Variants in AADAT observed in about 807,000 individuals in gnomAD.
AADAT encodes the protein kynurenine/alpha-aminoadipate aminotransferase, mitochondrial.
In AADAT, 25 loss-of-function variants were observed where a neutral mutation model predicts 56.2. The observed-to-expected ratio is 0.44, with a 90% confidence interval of 0.32 to 0.62. The LOEUF (loss-of-function observed/expected upper bound fraction) is 0.62. Among genes scored for constraint, AADAT ranks in the 20% least tolerant of loss-of-function variants. The pLI is 0.04. For missense variants in AADAT, 387 were observed against 510.5 expected, an observed-to-expected ratio of 0.76 and a Z score of 2.33; for synonymous variants, 173 against 164.7, an observed-to-expected ratio of 1.05 and a Z score of -0.39.
chr4:170,086,445 T>G (rs554121636), intron 3 of AADAT, among the ~76,000 whole-genome samples: 4 of 151,748 alleles, frequency 2.6e-5, no homozygotes, highest in African/African-American at 9.7e-5. Flanking sequence ...TACAGACATA[T>G]AAATAGATCT....
intron 2 of AADAT, 122 bp from the exon 3 acceptor site, chr4:170,087,370 A>G (rs1732615204): frequency 3.4e-6 from 3 of 889,046 alleles, no homozygotes; most frequent in Non-Finnish European, 5.0e-6. Flanking sequence ...AAACCCTCAA[A>G]TGCTTTTTGC....
At chr4:170,080,427 C>T (rs1732241391) in intron 3 of AADAT, among the ~76,000 whole-genome samples, 1 of 152,134 alleles carries the variant, frequency 6.6e-6, no homozygotes, top group African/African-American at 2.4e-5. Context: ...TGGCTGGAGA[C>T]CTGTCCTTGC....
At chr4:170,083,840 A>C (rs932589130) in intron 3 of AADAT, among the ~76,000 whole-genome samples, 1 of 152,168 alleles carries the variant, frequency 6.6e-6, no homozygotes, top group Non-Finnish European at 1.5e-5. Flanking sequence ...TCCTCAAAAA[A>C]CTGAAAATAG....
Position 170,067,392 on chromosome 4 carries a change from A to G in AADAT, c.901-4T>C, listed in dbSNP as rs769193418. 1 of 1,612,066 alleles carries G rather than the reference A, an allele frequency of 6.2e-7. No homozygotes were observed. Among genetic ancestry groups the G allele is most frequent in the Non-Finnish European group, 8.5e-7 (1 of 1,178,882 alleles). ...GTAGAAGCTGTGATATCATGAGCTA[A>G]AAGAGATAAAATCATAAATACCATG... On this transcript the variant is annotated splice_polypyrimidine_tract_variant and splice_region_variant and intron_variant, in intron 8 of 12. Transcript: ENST00000337664.
upstream of AADAT, among the ~76,000 whole-genome samples, chr4:170,092,234 T>C (rs938667802): frequency 2.6e-5 from 4 of 152,276 alleles, no homozygotes; most frequent in Non-Finnish European, 5.9e-5. Context: ...TAAATCTTGC[T>C]GCTGCTGACT....
chr4:170,065,128 C>T (rs537536801), intron 10 of AADAT, among the ~76,000 whole-genome samples: 1 of 152,284 alleles, frequency 6.6e-6, no homozygotes, highest in East Asian at 1.9e-4. Context: ...TCCCACTCCT[C>T]TCTCCTTCAC....
At chr4:170,089,508 G>A in intron 1 of AADAT, 116 bp downstream of exon 1, 1 of 1,108,748 alleles carries the variant, frequency 9.0e-7, no homozygotes, top group Non-Finnish European at 1.3e-6. Flanking sequence ...CTCACCGCGA[G>A]CGTGCACAGG....
At chr4:170,089,506 G>C in intron 1 of AADAT, 118 bp downstream of exon 1, 1 of 1,094,228 alleles carries the variant, frequency 9.1e-7, no homozygotes, top group South Asian at 1.4e-5. Flanking sequence ...GGCTCACCGC[G>C]AGCGTGCACA....
chr4:170,086,943 C>T (rs762703557), intron 3 of AADAT, among the ~76,000 whole-genome samples, 173 bp downstream of exon 3: 2 of 152,066 alleles, frequency 1.3e-5, no homozygotes, highest in East Asian at 1.9e-4. Flanking sequence ...CACAACTGCT[C>T]CCACCCCCAT....
chr4:170,070,864 T>C (rs1183112350), intron 5 of AADAT, among the ~76,000 whole-genome samples: 1 of 152,180 alleles, frequency 6.6e-6, no homozygotes, highest in Non-Finnish European at 1.5e-5. Context: ...AGACAGAATA[T>C]ACATAAGCCT....
chr4:170,060,832 C>T lies in AADAT; in HGVS notation c.*96G>A. On this transcript the variant is annotated 3_prime_UTR_variant, in exon 13 of 13. Coordinates refer to ENST00000337664, the MANE Select transcript of AADAT (RefSeq NM_016228.4). ...TGGTGTGATCGTAGCTTACTGCAGC[C>T]TTGAATTCCTGGGTTCAAGTGATCC... 1.9e-6 allele frequency: 2 copies of T among 1,069,750 alleles called. No homozygotes were observed. The highest frequency in any genetic ancestry group is 1.6e-5 in the South Asian group (1 of 62,304). The allele number at this position is 1,069,750 out of a possible 1,614,324, so 66.3% of individuals were successfully genotyped here. A position where few individuals can be genotyped will look rare whatever the true frequency, so the allele number is the denominator to read the frequency against.
At chr4:170,088,620 T>C (rs1230065282) in intron 1 of AADAT, 56 bp from the exon 2 acceptor site, 3 of 1,521,976 alleles carry the variant, frequency 2.0e-6, no homozygotes, top group Admixed American at 1.7e-5. Flanking sequence ...TATAAGCGGA[T>C]AGTTAAGCAT....
rs779364866 is a variant in AADAT at position 170,064,731 on chromosome 4, G to C, written c.1122C>G (p.Ala374=). The change falls in exon 11 of 13, where the codon GCC becomes GCG. Residue 374 remains alanine, a synonymous_variant. Coordinates refer to ENST00000337664, the MANE Select transcript of AADAT (RefSeq NM_016228.4). ...NDVKELIEEK[A]VKMGVLMLPG... ...CTCCCAGTTTTACCCCCATCTTAAC[G>C]GCCTTTTCTTCAATCAGTTCTTTTA... 21 of 1,604,496 alleles carry C rather than the reference G, an allele frequency of 1.3e-5. No homozygotes were observed. The highest frequency in any genetic ancestry group is 1.7e-5 in the Non-Finnish European group (20 of 1,177,716).
rs1731155157 is a variant in AADAT, at chr4:170,060,828, C to T, written c.*100G>A. ...GCAGTGGTGTGATCGTAGCTTACTG[C>T]AGCCTTGAATTCCTGGGTTCAAGTG... On this transcript the variant is annotated 3_prime_UTR_variant, in exon 13 of 13. Coordinates refer to ENST00000337664, the MANE Select transcript of AADAT (RefSeq NM_016228.4). 1 of 990,886 alleles carries T rather than the reference C, an allele frequency of 1.0e-6. No individual in the cohort carries two copies. Among genetic ancestry groups the T allele is most frequent in the Non-Finnish European group, 1.5e-6 (1 of 687,782 alleles). The allele number at this position is 990,886 out of a possible 1,614,324, so 61.4% of individuals were successfully genotyped here.
intron 3 of AADAT, among the ~76,000 whole-genome samples, chr4:170,085,215 T>C (rs1203654216): frequency 6.6e-6 from 1 of 152,186 alleles, no homozygotes; most frequent in African/African-American, 2.4e-5. Flanking sequence ...AGCCTATTGG[T>C]AGTTATGTTT....
At chr4:170,068,352 C>T (rs780451292) in intron 8 of AADAT, among the ~76,000 whole-genome samples, 8 of 151,946 alleles carry the variant, frequency 5.3e-5, no homozygotes, top group Non-Finnish European at 8.8e-5. Context: ...GTGTTACAGA[C>T]GGATCCAATA....
chr4:170,090,717 C>A (rs373625203), upstream of AADAT, among the ~76,000 whole-genome samples: 3 of 152,226 alleles, frequency 2.0e-5, no homozygotes, highest in East Asian at 5.8e-4. Flanking sequence ...CCTCCCTCAA[C>A]TTTTCTGCAA....
chr4:170,089,246 C>T (rs770334218), intron 1 of AADAT: 2 of 453,914 alleles, frequency 4.4e-6, no homozygotes, highest in Non-Finnish European at 8.4e-6. Context: ...CATGGCCCAC[C>T]CCTCTCCCAT....
At chr4:170,079,835 A>G (rs1732204490) in intron 3 of AADAT, among the ~76,000 whole-genome samples, 1 of 152,210 alleles carries the variant, frequency 6.6e-6, no homozygotes, top group South Asian at 2.1e-4. Context: ...TCAGATGGAT[A>G]GATGGACAAA....
Sources: allele counts gnomAD v4.1 joint callset (sites outside exome capture counted in the v4.1 genomes callset), GRCh38; gene constraint gnomAD v4.1.1; transcripts MANE v1.5; gene names NCBI Gene and HGNC (gene_info 2026-07-23, HGNC 2026-07-21).